The following PCDHGA1 variants were observed in gnomAD, a reference collection of about 807,000 sequenced individuals.
PCDHGA1 encodes protocadherin gamma subfamily A, 1.
PCDHGA1 carries 32 observed loss-of-function variants against 58.0 expected under a neutral mutation model. That is an observed-to-expected ratio of 0.55 (90% CI 0.42 to 0.74). PCDHGA1 has a LOEUF of 0.74. Among genes scored for constraint, PCDHGA1 ranks in the 30% least tolerant of loss-of-function variants. PCDHGA1 has a pLI of 0.00. For missense variants in PCDHGA1, 1,205 were observed against 1,182.3 expected, an observed-to-expected ratio of 1.02 and a Z score of -0.28; for synonymous variants, 498 against 501.1, an observed-to-expected ratio of 0.99 and a Z score of 0.08.
At chr5:141,339,914 C>T in intron 1 of PCDHGA1, 2 of 1,614,112 alleles carry the variant, frequency 1.2e-6, no homozygotes, top group South Asian at 1.1e-5. Context: ...TGCTACATTC[C>T]ATGAAATTGA....
intron 1 of PCDHGA1, chr5:141,478,602 T>C (rs2099466537): frequency 6.4e-7 from 1 of 1,563,560 alleles, no homozygotes; most frequent in Admixed American, 1.9e-5. Context: ...TCCTACATCA[T>C]ATTGAGGAAG....
rs1360124362 is a variant in PCDHGA1 at position 141,489,688 on chromosome 5, G to A, written c.2422-5119G>A. On this transcript the variant is annotated intron_variant, in intron 1 of 3. Coordinates refer to ENST00000517417, the MANE Select transcript of PCDHGA1 (RefSeq NM_018912.3). This position sits in a 1 kb window ranked among gnomAD's most constrained non-coding sequence, Gnocchi z 4.5. The stretch of plus-strand genomic sequence containing the variant: ...CATCTCAGAATCAGCAGCATCTGGG[G>A]CACGATTCCCACTGGACAGTGCCCA... 6.2e-7 allele frequency: 1 copy of A among 1,614,150 alleles called. No homozygotes were observed. Among genetic ancestry groups the A allele is most frequent in the Non-Finnish European group, 8.5e-7 (1 of 1,180,012 alleles).
chr5:141,476,597 G>C lies in PCDHGA1; in HGVS notation c.2422-18210G>C, dbSNP rs2099394582. On this transcript the variant is annotated intron_variant, in intron 1 of 3. Coordinates refer to ENST00000517417, the MANE Select transcript of PCDHGA1 (RefSeq NM_018912.3). The surrounding 1 kb of genome is among the most constrained non-coding windows in gnomAD (Gnocchi z 7.6). ...GCGCTTTCCGCTCGAGAGCGCGCAC[G>C]ATCCCGATGTGGGAAGCAACTCTTT... The C allele has an allele frequency of 1.2e-6, 2 of 1,614,112 alleles. No individual in the cohort carries two copies. The highest frequency in any genetic ancestry group is 1.7e-6 in the Non-Finnish European group (2 of 1,180,046).
In PCDHGA1 at chr5:141,332,831, T is replaced by A; in HGVS notation, c.2147T>A (p.Leu716Gln). The change falls in exon 1 of 4, where the codon CTG becomes CAG. Residue 716 changes from leucine to glutamine, a missense_variant. Physicochemically the swap from Leu to Gln is moderately radical, Grantham distance 113. Coordinates refer to ENST00000517417, the MANE Select transcript of PCDHGA1 (RefSeq NM_018912.3). The surrounding 1 kb of genome is among the most constrained non-coding windows in gnomAD (Gnocchi z 4.6). ...GTCATCGTGCTGCTGGCGCACAGGC[T>A]GCGGCGCTGGCACAAGTCACGTCTG... ...AFVIVLLAHR[L>Q]RRWHKSRLLQ... 6.2e-7 allele frequency: 1 copy of A among 1,614,204 alleles called. No homozygotes were observed. The highest frequency in any genetic ancestry group is 1.1e-5 in the South Asian group (1 of 91,086).
intron 1 of PCDHGA1, chr5:141,356,746 GCT>G: frequency 1.2e-6 from 2 of 1,613,970 alleles, no homozygotes. Flanking sequence ...GATCCTATAT[GCT>G]CTTTGCTCCT....
chr5:141,438,627 TATATATATACAC>T (rs1324653166), intron 1 of PCDHGA1, among the ~76,000 whole-genome samples: 191 of 47,978 alleles, frequency 4.0e-3, no homozygotes, highest in African/African-American at 0.016. Flanking sequence ...TATATATATA[TATATATATACAC>T]ACACACACAC....
intron 1 of PCDHGA1, chr5:141,441,674 CT>C: frequency 3.4e-6 from 1 of 293,692 alleles, no homozygotes; most frequent in Non-Finnish European, 6.7e-6. Flanking sequence ...CACAGTGCGC[CT>C]TCGACCAAGA....
At position 141,357,279 on chromosome 5, in the gene PCDHGA1, C is replaced by A; in HGVS notation, c.2421+24174C>A. The A allele has an allele frequency of 1.2e-6, 2 of 1,613,878 alleles. 1 individual carries two copies. The highest frequency in any genetic ancestry group is 4.5e-5 in the East Asian group (2 of 44,878). On this transcript the variant is annotated intron_variant, in intron 1 of 3. Transcript: ENST00000517417. ...ACGACTCGGGCCTCACACTCTATCT[C>A]GTGGTGGCAGTGGCCGCTGTCTCCT...
intron 2 of PCDHGA1, among the ~76,000 whole-genome samples, chr5:141,500,125 T>C (rs1367341826): frequency 2.0e-5 from 3 of 151,970 alleles, no homozygotes; most frequent in African/African-American, 4.8e-5. Flanking sequence ...CCTTTTCATA[T>C]ATATCTTTCT....
At chr5:141,410,688 A>G in intron 1 of PCDHGA1, 1 of 1,519,164 alleles carries the variant, frequency 6.6e-7, no homozygotes, top group South Asian at 1.3e-5. Flanking sequence ...TAGGCATACT[A>G]CTTTATTTTC....
chr5:141,393,659 G>GA (rs1276688380), intron 1 of PCDHGA1: 7 of 1,613,880 alleles, frequency 4.3e-6, no homozygotes, highest in Middle Eastern at 1.6e-4. Context: ...ACAAATTCCG[G>GA]AAAATTAATG....
At chr5:141,409,184 T>C in intron 1 of PCDHGA1, 1 of 1,614,044 alleles carries the variant, frequency 6.2e-7, no homozygotes, top group Non-Finnish European at 8.5e-7. Context: ...AGGTGGTCTC[T>C]CTACCCAGTG....
At chr5:141,356,841 A>G in intron 1 of PCDHGA1, 5 of 1,614,138 alleles carry the variant, frequency 3.1e-6, no homozygotes, top group Non-Finnish European at 4.2e-6. Flanking sequence ...GCAATGTGTC[A>G]CTGAGCCTCT....
intron 1 of PCDHGA1, chr5:141,364,916 T>A (rs1264033754): frequency 1.5e-5 from 25 of 1,613,934 alleles, no homozygotes; most frequent in Non-Finnish European, 2.1e-5. Flanking sequence ...GGAGCTGGTG[T>A]TGGAACAGCC....
At chr5:141,398,730 C>T (rs200411955) in intron 1 of PCDHGA1, 568 of 1,613,656 alleles carry the variant, frequency 3.5e-4, no homozygotes, top group Non-Finnish European at 4.6e-4. Context: ...AAACCTTAGA[C>T]CGGGAACAAC....
At chr5:141,392,247 T>C (rs1228504452) in intron 1 of PCDHGA1, 1 of 152,196 alleles carries the variant, frequency 6.6e-6, no homozygotes, top group Non-Finnish European at 1.5e-5. Context: ...TATTTGTTAG[T>C]ATATATTGGA....
intron 3 of PCDHGA1, among the ~76,000 whole-genome samples, chr5:141,506,621 G>A (rs143369587): frequency 1.3e-5 from 2 of 152,178 alleles, no homozygotes; most frequent in African/African-American, 4.8e-5. Flanking sequence ...GTGTTACCAG[G>A]GCCAAATGCA....
rs143779180 is a variant in PCDHGA1, at chr5:141,485,438, C to T, written c.2422-9369C>T. Reference sequence around the variant, plus strand: ...CAGCGGAGCCCTGCTCATCAAGAACCCAATCGACCGAGAGGCACTGTGTGG... The same window carrying T: ...CAGCGGAGCCCTGCTCATCAAGAACTCAATCGACCGAGAGGCACTGTGTGG... On this transcript the variant is annotated intron_variant, in intron 1 of 3. Transcript: ENST00000517417. This position sits in a 1 kb window ranked among gnomAD's most constrained non-coding sequence, Gnocchi z 5.7. 2.9e-5 allele frequency: 47 copies of T among 1,614,052 alleles called. No individual in the cohort carries two copies. The highest frequency in any genetic ancestry group is 4.0e-5 in the African/African-American group (3 of 74,924).
chr5:141,419,117 G>T (rs1362880648), intron 1 of PCDHGA1: 1 of 1,613,718 alleles, frequency 6.2e-7, no homozygotes, highest in African/African-American at 1.3e-5. Context: ...AGAGTACAAC[G>T]TCACCATCGC....
Sources: gnomAD v4.1 joint callset for allele counts (sites outside exome capture counted in the v4.1 genomes callset) on GRCh38, gnomAD v4.1.1 for gene constraint, Gnocchi (gnomAD v3.1) non-coding constraint, MANE v1.5 for transcripts, NCBI Gene and HGNC (gene_info 2026-07-23, HGNC 2026-07-21) for gene names.